Variants in ZNF12 observed in about 807,000 individuals in gnomAD.
The protein encoded by ZNF12 is zinc finger protein 12.
In ZNF12, 34 loss-of-function variants were observed where a neutral mutation model predicts 66.6. That is an observed-to-expected ratio of 0.51 (90% CI 0.39 to 0.68). ZNF12 has a LOEUF of 0.68. Ranked by LOEUF, ZNF12 falls within the 30% of genes least tolerant of loss-of-function variation. ZNF12 has a pLI of 0.00. For synonymous variants in ZNF12, 320 were observed against 278.9 expected (o/e 1.15, Z -1.47); for missense variants, 697 against 826.9 (o/e 0.84, Z 1.93).
intron 2 of ZNF12, among the ~76,000 whole-genome samples, chr7:6,699,640 C>T (rs1054221686): frequency 5.5e-4 from 83 of 152,210 alleles, no homozygotes; most frequent in Admixed American, 5.0e-3. Flanking sequence ...TGGCATTGCC[C>T]TGCCTTGCTG....
Position 6,697,975 on chromosome 7 carries a change from G to T in ZNF12, c.16-164C>A. 1.1e-6 allele frequency: 1 copy of T among 912,494 alleles called. No homozygotes were observed. The allele number at this position is 912,494 out of a possible 1,614,324, so 56.5% of individuals were successfully genotyped here. A position where few individuals can be genotyped will look rare whatever the true frequency, so the allele number is the denominator to read the frequency against. On this transcript the variant is annotated intron_variant, in intron 2 of 4. Coordinates refer to ENST00000405858, the MANE Select transcript of ZNF12 (RefSeq NM_016265.4). This position sits in a 1 kb window ranked among gnomAD's most constrained non-coding sequence, Gnocchi z 6.1. ...CATATCAGAAATACACTGTTCTGGG[G>T]TTCATTCAGTATACATCAAACAAAA...
intron 2 of ZNF12, among the ~76,000 whole-genome samples, chr7:6,703,655 G>A (rs1287736807): frequency 6.6e-6 from 1 of 152,200 alleles, no homozygotes; most frequent in Non-Finnish European, 1.5e-5. Context: ...TGCTAAGCAG[G>A]TGGCTGGACA....
intron 4 of ZNF12, among the ~76,000 whole-genome samples, chr7:6,693,893 C>A (rs182679456): frequency 6.6e-6 from 1 of 152,208 alleles, no homozygotes; most frequent in East Asian, 1.9e-4. Flanking sequence ...CCTGGCCGGG[C>A]GTGGTAGCTC....
chr7:6,695,195 G>A (rs1409379582), intron 4 of ZNF12, among the ~76,000 whole-genome samples: 4 of 152,204 alleles, frequency 2.6e-5, no homozygotes, highest in Non-Finnish European at 4.4e-5. Flanking sequence ...GATTACAGGC[G>A]TAAGCCACCA....
In ZNF12 at chr7:6,696,970, A is replaced by T. The variant is rs80289315; in HGVS notation, c.238+369T>A. 1.5e-5 allele frequency among the ~76,000 whole-genome samples: 2 copies of T among 131,050 alleles called. No homozygotes were observed. Among genetic ancestry groups the T allele is most frequent in the African/African-American group, 2.9e-5 (1 of 34,216 alleles). 86.0% of individuals were successfully genotyped at this position (131,050 alleles called of 152,430 possible). A position where few individuals can be genotyped will look rare whatever the true frequency, so the allele number is the denominator to read the frequency against. On this transcript the variant is annotated intron_variant, in intron 4 of 4. Transcript: ENST00000405858. This position sits in a 1 kb window ranked among gnomAD's most constrained non-coding sequence, Gnocchi z 4.0. ...TCTCAGGCACTGCACGGTAAAGATT[A>T]AAAAAAAAAAACCAGAAGTTACACG... is the stretch of plus-strand genomic sequence containing the variant.
rs539910387 is a variant in ZNF12, at chr7:6,705,712, T to C, written c.-50-489A>G. On this transcript the variant is annotated intron_variant, in intron 1 of 4. Coordinates refer to ENST00000405858, the MANE Select transcript of ZNF12 (RefSeq NM_016265.4). This position sits in a 1 kb window ranked among gnomAD's most constrained non-coding sequence, Gnocchi z 4.0. ...CCAGCCTGGGCAACAAAGCGAAACT[T>C]GTCTCAAAAACAAACAAACAAACAA... Among the ~76,000 whole-genome samples the C allele has an allele frequency of 4.2e-5, 6 of 142,284 alleles. No individual in the cohort carries two copies. Among genetic ancestry groups the C allele is most frequent in the Non-Finnish European group, 9.1e-5 (6 of 65,660 alleles). 93.3% of individuals were successfully genotyped at this position (142,284 alleles called of 152,430 possible).
Position 6,692,326 on chromosome 7 carries a change from G to C in ZNF12, c.616C>G (p.Leu206Val). The C allele has an allele frequency of 1.2e-6, 2 of 1,609,624 alleles. No individual in the cohort carries two copies. Among genetic ancestry groups the C allele is most frequent in the South Asian group, 2.2e-5 (2 of 90,030 alleles). ...TCCAAAATACGAATTTTCTGATAAA[G>C]ACTTTCTTCATTTAGAGTATAAGGT... ...GEPYTLNEESLYQKIRILEKP... is the reference protein window; with the variant it reads ...GEPYTLNEESVYQKIRILEKP... Residue 206 changes from leucine to valine, a missense_variant, in exon 5 of 5, where the codon CTT becomes GTT. This residue lies in a region of ZNF12 where 241 missense variants were observed against 224.0 expected (regional missense o/e 1.08). Coordinates refer to ENST00000405858, the MANE Select transcript of ZNF12 (RefSeq NM_016265.4). The surrounding 1 kb of genome is among the most constrained non-coding windows in gnomAD (Gnocchi z 5.1).
At position 6,697,912 on chromosome 7, in the gene ZNF12, C is replaced by T. The variant is rs751519900; in HGVS notation, c.16-101G>A. 2.3e-6 allele frequency: 3 copies of T among 1,291,786 alleles called. No individual in the cohort carries two copies. The Admixed American group carries it at 5.0e-5, about 22-fold the overall frequency. The allele number at this position is 1,291,786 out of a possible 1,614,324, so 80.0% of individuals were successfully genotyped here. A position where few individuals can be genotyped will look rare whatever the true frequency, so the allele number is the denominator to read the frequency against. On this transcript the variant is annotated intron_variant, in intron 2 of 4. Coordinates refer to ENST00000405858, the MANE Select transcript of ZNF12 (RefSeq NM_016265.4). The surrounding 1 kb of genome is among the most constrained non-coding windows in gnomAD (Gnocchi z 6.1). ...CAAAATTAACCATGAACACTGTATA[C>T]CTTTATTTTATGTTACAGACTGTCA... is the stretch of plus-strand genomic sequence containing the variant.
rs1780090737 is a variant in ZNF12 at position 6,692,598 on chromosome 7, TTACC to T, written c.340_343del (p.Gly114MetfsTer9). 3.1e-6 allele frequency: 5 copies of T among 1,613,884 alleles called. No individual in the cohort carries two copies. The highest frequency in any genetic ancestry group is 4.2e-6 in the Non-Finnish European group (5 of 1,179,840). Reference sequence around the variant, plus strand: ...TACATCAAAAGTTTTACCAGGAACATTACCTCTCTCTTCAATCAGGGTCTCAATG... The same window carrying T: ...TACATCAAAAGTTTTACCAGGAACATTCTCTCTTCAATCAGGGTCTCAATG... On this transcript the variant is annotated frameshift_variant, in exon 5 of 5. Coordinates refer to ENST00000405858, the MANE Select transcript of ZNF12 (RefSeq NM_016265.4). LOFTEE classifies it high-confidence loss of function. This position sits in a 1 kb window ranked among gnomAD's most constrained non-coding sequence, Gnocchi z 5.1.
At chr7:6,694,541 C>G (rs1780125333) in intron 4 of ZNF12, among the ~76,000 whole-genome samples, 1 of 152,134 alleles carries the variant, frequency 6.6e-6, no homozygotes, top group African/African-American at 2.4e-5. Context: ...GAGAGTTGTT[C>G]TGGAGGAAGT....
rs1208748159 is a variant in ZNF12 at position 6,691,186 on chromosome 7, A to G, written c.1756T>C (p.Phe586Leu). 6.2e-7 allele frequency: 1 copy of G among 1,613,984 alleles called. No individual in the cohort carries two copies. Among genetic ancestry groups the G allele is most frequent in the African/African-American group, 1.3e-5 (1 of 74,920 alleles). ...PYECSECGKT[F>L]CQNSALNRHQ... ...CGATTAAGGGCTGAATTCTGGCAGA[A>G]GGTTTTCCCACATTCACTACATTCA... Residue 586 changes from phenylalanine to leucine, a missense_variant, in exon 5 of 5, where the codon TTC becomes CTC. Phe to Leu is a conservative substitution (Grantham distance 22). This residue lies in a region of ZNF12 where 401 missense variants were observed against 519.0 expected (regional missense o/e 0.77). Coordinates refer to ENST00000405858, the MANE Select transcript of ZNF12 (RefSeq NM_016265.4).
chr7:6,694,868 G>A (rs1002158313), intron 4 of ZNF12, among the ~76,000 whole-genome samples: 2 of 152,184 alleles, frequency 1.3e-5, no homozygotes, highest in Admixed American at 1.3e-4. Context: ...ACTCAGCCTT[G>A]CATTGGAACA....
chr7:6,692,797 G>T lies in ZNF12; in HGVS notation c.239-94C>A. On this transcript the variant is annotated intron_variant, in intron 4 of 4. Coordinates refer to ENST00000405858, the MANE Select transcript of ZNF12 (RefSeq NM_016265.4). The surrounding 1 kb of genome is among the most constrained non-coding windows in gnomAD (Gnocchi z 5.1). ...ATGATTTGTACACACGCATCTCATT[G>T]TGAGTAGATGCTAGCTTCATGAACA... The T allele has an allele frequency of 1.7e-6, 2 of 1,190,186 alleles. No homozygotes were observed. Among genetic ancestry groups the T allele is most frequent in the Admixed American group, 2.6e-5 (1 of 38,546 alleles). 73.7% of individuals were successfully genotyped at this position (1,190,186 alleles called of 1,614,324 possible).
chr7:6,690,854 A>G lies in ZNF12; in HGVS notation c.2088T>C (p.Leu696=). Residue 696 remains leucine (L), a synonymous_variant, in exon 5 of 5, where the codon CTT becomes CTC. Coordinates refer to ENST00000405858, the MANE Select transcript of ZNF12 (RefSeq NM_016265.4). ...GNMNVIDVGR[L]L Reference sequence around the variant, plus strand: ...TATAAAATGAGGTCTGACTTCAGAGAAGCCTTCCCACATCTATTACATTCA... The same window carrying G: ...TATAAAATGAGGTCTGACTTCAGAGGAGCCTTCCCACATCTATTACATTCA... The G allele has an allele frequency of 1.2e-6, 2 of 1,606,702 alleles. No individual in the cohort carries two copies. Among genetic ancestry groups the G allele is most frequent in the Admixed American group, 1.7e-5 (1 of 58,944 alleles).
In ZNF12 at chr7:6,698,791, A is replaced by T. The variant is rs929366008; in HGVS notation, c.16-980T>A. On this transcript the variant is annotated intron_variant, in intron 2 of 4. Coordinates refer to ENST00000405858, the MANE Select transcript of ZNF12 (RefSeq NM_016265.4). This position sits in a 1 kb window ranked among gnomAD's most constrained non-coding sequence, Gnocchi z 4.4. The stretch of plus-strand genomic sequence containing the variant: ...TGGAAACTGTCAAAACCACATCTAT[A>T]AATGTGTATCTTTTGAATAAAGTGT... Among the ~76,000 whole-genome samples the T allele has an allele frequency of 6.6e-6, 1 of 152,216 alleles. No individual in the cohort carries two copies. The highest frequency in any genetic ancestry group is 1.5e-5 in the Non-Finnish European group (1 of 68,038).
In ZNF12 at chr7:6,697,197, G is replaced by A. The variant is rs1780166629; in HGVS notation, c.238+142C>T. The stretch of plus-strand genomic sequence containing the variant: ...AACATAAGTTCTTACGGGGAAGGAA[G>A]AAGTCTTTGGGAGTGAGATTCAGGT... On this transcript the variant is annotated intron_variant, in intron 4 of 4. Coordinates refer to ENST00000405858, the MANE Select transcript of ZNF12 (RefSeq NM_016265.4). This position sits in a 1 kb window ranked among gnomAD's most constrained non-coding sequence, Gnocchi z 6.1. 1.8e-6 allele frequency: 1 copy of A among 550,438 alleles called. No individual in the cohort carries two copies. Among genetic ancestry groups the A allele is most frequent in the African/African-American group, 1.9e-5 (1 of 52,750 alleles). The allele number at this position is 550,438 out of a possible 1,614,324, so 34.1% of individuals were successfully genotyped here.
rs747559391 is a variant in ZNF12 at position 6,706,476 on chromosome 7, C to G, written c.-95G>C. The G allele has an allele frequency of 2.7e-5, 13 of 475,984 alleles. No homozygotes were observed. The highest frequency in any genetic ancestry group is 4.2e-6 in the Non-Finnish European group (1 of 239,224). 29.5% of individuals were successfully genotyped at this position (475,984 alleles called of 1,614,324 possible). Reference sequence around the variant, plus strand: ...CTCTGCCCCACCGCTCCCGACAGGCCGGGGCGGGATTGCTGTCGCGGGCGC... The same window carrying G: ...CTCTGCCCCACCGCTCCCGACAGGCGGGGGCGGGATTGCTGTCGCGGGCGC... On this transcript the variant is annotated 5_prime_UTR_variant, in exon 1 of 5. Transcript: ENST00000405858.
chr7:6,706,732 G>A lies in ZNF12; in HGVS notation c.-351C>T, dbSNP rs985547805. ...CCTCCGCCGTCGTCACCGCCCGGCC[G>A]GCCCCTTGGGCCCCAGCGCCGTCGG... is the stretch of plus-strand genomic sequence containing the variant. On this transcript the variant is annotated 5_prime_UTR_variant, in exon 1 of 5. Coordinates refer to ENST00000405858, the MANE Select transcript of ZNF12 (RefSeq NM_016265.4). The A allele has an allele frequency of 3.8e-5, 9 of 234,270 alleles. No homozygotes were observed. Among genetic ancestry groups the A allele is most frequent in the Non-Finnish European group, 6.7e-5 (8 of 119,638 alleles). The allele number at this position is 234,270 out of a possible 1,614,324, so 14.5% of individuals were successfully genotyped here.
intron 2 of ZNF12, among the ~76,000 whole-genome samples, chr7:6,700,606 T>C (rs947522824): frequency 7.2e-5 from 11 of 152,162 alleles, no homozygotes; most frequent in African/African-American, 2.7e-4. Flanking sequence ...TTTTTCACAA[T>C]GTCAGTCTCT....
Sources: allele counts gnomAD v4.1 joint callset (sites outside exome capture counted in the v4.1 genomes callset), GRCh38; gene constraint gnomAD v4.1.1; regional missense constraint gnomAD v4.1.1; non-coding constraint Gnocchi (gnomAD v3.1); transcripts MANE v1.5; gene names NCBI Gene and HGNC (gene_info 2026-07-23, HGNC 2026-07-21).